The following TLN2 variants were observed in gnomAD, a reference collection of about 807,000 sequenced individuals.
The protein encoded by TLN2 is talin-2.
TLN2 carries 118 observed loss-of-function variants against 294.7 expected under a neutral mutation model. That is an observed-to-expected ratio of 0.40 (90% CI 0.34 to 0.47). TLN2 has a LOEUF of 0.47. Ranked by LOEUF, TLN2 falls within the 20% of genes least tolerant of loss-of-function variation. The pLI is 0.84. For missense variants in TLN2, 3,083 were observed against 3,282.2 expected (o/e 0.94, Z 1.48); for synonymous variants, 1,431 against 1,304.5 (o/e 1.10, Z -2.09).
intron 3 of TLN2, among the ~76,000 whole-genome samples, chr15:62,636,490 C>G (rs1308621412): frequency 2.0e-5 from 3 of 152,122 alleles, no homozygotes; most frequent in Admixed American, 1.3e-4. Context: ...AAATATATGC[C>G]AGATTTTTAG....
chr15:62,762,408 C>G lies in TLN2; in HGVS notation c.4916C>G (p.Ser1639Cys), dbSNP rs764217201. 2.0e-5 allele frequency: 33 copies of G among 1,614,064 alleles called. No individual in the cohort carries two copies. The highest frequency in any genetic ancestry group is 2.7e-5 in the Non-Finnish European group (32 of 1,180,044). Residue 1639 changes from serine (S) to cysteine (C), a missense_variant, in exon 39 of 59, where the codon TCC becomes TGC. Coordinates refer to ENST00000636159, the MANE Select transcript of TLN2 (RefSeq NM_015059.3). ...ACCTGGTCTGTACTGGCTGGACATT[C>G]CCATACAGTGTCCGACTCCATCAAG... ...PPTWSVLAGH[S>C]HTVSDSIKSL...
At chr15:62,488,687 G>T (rs1168619006) in intron 1 of TLN2, among the ~76,000 whole-genome samples, 1 of 152,120 alleles carries the variant, frequency 6.6e-6, no homozygotes, top group Non-Finnish European at 1.5e-5. Context: ...TAATATTACT[G>T]CCTGAGTGAT....
At chr15:62,416,438 A>G (rs143387279) in intron 1 of TLN2, among the ~76,000 whole-genome samples, 44 of 152,330 alleles carry the variant, frequency 2.9e-4, no homozygotes, top group Middle Eastern at 6.8e-3. Context: ...ATCACAGGCA[A>G]TCTGCTAAAG....
At chr15:62,833,333 A>T in intron 54 of TLN2, 171 bp from the exon 55 acceptor site, 1 of 1,010,278 alleles carries the variant, frequency 9.9e-7, no homozygotes. Flanking sequence ...AAGTTTGCAC[A>T]GGGGACCTGT....
Position 62,796,201 on chromosome 15 carries a change from G to A in TLN2, c.5958G>A (p.Val1986=), listed in dbSNP as rs2065465924. 5 of 1,614,134 alleles carry A rather than the reference G, an allele frequency of 3.1e-6. No individual in the cohort carries two copies. Among genetic ancestry groups the A allele is most frequent in the Admixed American group, 1.7e-5 (1 of 60,014 alleles). The change falls in exon 47 of 59, where the codon GTG becomes GTA. Residue 1986 remains valine, a synonymous_variant. Coordinates refer to ENST00000636159, the MANE Select transcript of TLN2 (RefSeq NM_015059.3). The stretch of plus-strand genomic sequence containing the variant: ...CATGCATTACAGCCGCCACCGCTGT[G>A]TCTGGGATCATTGCCGACCTGGACA... The part of the protein sequence containing the change: ...TQACITAATA[V]SGIIADLDTT...
intron 33 of TLN2, among the ~76,000 whole-genome samples, chr15:62,749,101 T>C (rs1394758693): frequency 6.6e-6 from 1 of 152,244 alleles, no homozygotes; most frequent in Admixed American, 6.5e-5. Flanking sequence ...CCGGTTATAT[T>C]GAGATGCCAG....
At chr15:62,409,887 A>G (rs2033660894) in intron 1 of TLN2, among the ~76,000 whole-genome samples, 1 of 152,184 alleles carries the variant, frequency 6.6e-6, no homozygotes, top group Non-Finnish European at 1.5e-5. Flanking sequence ...TTTTCCCCCT[A>G]AAGACAAGAT....
In TLN2 at chr15:62,715,921, G is replaced by A. The variant is rs548920726; in HGVS notation, c.2635-410G>A. On this transcript the variant is annotated intron_variant, in intron 22 of 58. Transcript: ENST00000636159. Reference sequence around the variant, plus strand: ...GACTCTTACCCCTTCACATTTACCTGTGCCACAGGGTATTTCAGGAGTGAC... The same window carrying A: ...GACTCTTACCCCTTCACATTTACCTATGCCACAGGGTATTTCAGGAGTGAC... 1.8e-4 allele frequency among the ~76,000 whole-genome samples: 28 copies of A among 152,090 alleles called. No homozygotes were observed. The South Asian group carries it at 5.0e-3, about 27-fold the overall frequency.
chr15:62,570,590 C>A, intron 1 of TLN2, among the ~76,000 whole-genome samples: 2 of 152,286 alleles, frequency 1.3e-5, no homozygotes, highest in South Asian at 4.1e-4. Context: ...TGAATATTCT[C>A]TTTTCCCTAA....
Position 62,708,698 on chromosome 15 carries a change from A to G in TLN2, c.2369A>G (p.Gln790Arg), listed in dbSNP as rs2059228139. The G allele has an allele frequency of 6.2e-7, 1 of 1,613,956 alleles. No individual in the cohort carries two copies. Among genetic ancestry groups the G allele is most frequent in the Non-Finnish European group, 8.5e-7 (1 of 1,180,036 alleles). ...ALHDLLQHVR[Q>R]FASRGEPIGR... ...CATGATCTCCTGCAGCATGTGCGGCAGTTTGCCAGCCGAGGCGAGCCCATC... is the reference window on the plus strand; with the variant it reads ...CATGATCTCCTGCAGCATGTGCGGCGGTTTGCCAGCCGAGGCGAGCCCATC... Residue 790 changes from glutamine to arginine, a missense_variant, in exon 21 of 59, where the codon CAG becomes CGG. Gln to Arg is a conservative substitution (Grantham distance 43). Transcript: ENST00000636159.
intron 1 of TLN2, among the ~76,000 whole-genome samples, chr15:62,509,659 G>A (rs1323162869): frequency 6.6e-6 from 1 of 152,152 alleles, no homozygotes; most frequent in Non-Finnish European, 1.5e-5. Context: ...TCCTTGTAAC[G>A]TCTCACTGAT....
chr15:62,738,387 T>G, intron 30 of TLN2, 54 bp downstream of exon 30: 1 of 1,586,466 alleles, frequency 6.3e-7, no homozygotes, highest in South Asian at 1.2e-5. Context: ...TCGCGTTAGG[T>G]GTGAGTGAAG....
intron 1 of TLN2, among the ~76,000 whole-genome samples, chr15:62,529,317 C>G (rs980452031): frequency 1.3e-5 from 2 of 152,132 alleles, no homozygotes; most frequent in Non-Finnish European, 2.9e-5. Flanking sequence ...TGGTCTCGAA[C>G]TCCTGGACTC....
chr15:62,401,647 C>G lies in TLN2; in HGVS notation c.-238+10962C>G, dbSNP rs139848808. ...AATGTGCAGCCAGGGTAGAGGACCA[C>G]TCGTCTACAGTCCTCTGAGTCACCT... On this transcript the variant is annotated intron_variant, in intron 1 of 58. Transcript: ENST00000636159. 2.0e-3 allele frequency among the ~76,000 whole-genome samples: 303 copies of G among 152,292 alleles called. 1 individual carries two copies. Among genetic ancestry groups the G allele is most frequent in the African/African-American group, 7.0e-3 (292 of 41,566 alleles).
chr15:62,715,301 A>G (rs1447554100), intron 22 of TLN2, among the ~76,000 whole-genome samples: 2 of 150,952 alleles, frequency 1.3e-5, no homozygotes, highest in Admixed American at 1.3e-4. Context: ...GACTTTTGAT[A>G]AATCGGTGTG....
intron 1 of TLN2, among the ~76,000 whole-genome samples, chr15:62,413,857 C>T (rs1566952733): frequency 6.6e-6 from 1 of 152,138 alleles, no homozygotes; most frequent in African/African-American, 2.4e-5. Context: ...ATAGATTACA[C>T]ATTGTCTTGG....
intron 28 of TLN2, among the ~76,000 whole-genome samples, chr15:62,731,417 T>A (rs75930462): frequency 7.0e-6 from 1 of 142,346 alleles, no homozygotes; most frequent in African/African-American, 2.6e-5. Flanking sequence ...ATGTTTTTTT[T>A]CCCTACATAG....
intron 1 of TLN2, among the ~76,000 whole-genome samples, chr15:62,502,237 T>C (rs1414198836): frequency 6.6e-6 from 1 of 152,252 alleles, no homozygotes. Flanking sequence ...ATGTATTGTT[T>C]TTCTAGGGAA....
intron 1 of TLN2, among the ~76,000 whole-genome samples, chr15:62,393,492 C>G (rs941768467): frequency 1.1e-4 from 16 of 152,122 alleles, no homozygotes; most frequent in Non-Finnish European, 2.2e-4. Flanking sequence ...TCTGTCTTTT[C>G]TCTCTCAAAA....
Sources: allele counts gnomAD v4.1 joint callset (sites outside exome capture counted in the v4.1 genomes callset), GRCh38; gene constraint gnomAD v4.1.1; transcripts MANE v1.5; gene names NCBI Gene and HGNC (gene_info 2026-07-23, HGNC 2026-07-21).